The following MAN1C1 variants were observed in gnomAD, a reference collection of about 807,000 sequenced individuals.
MAN1C1 encodes the protein mannosyl-oligosaccharide 1,2-alpha-mannosidase IC.
MAN1C1 carries 49 observed loss-of-function variants against 71.5 expected under a neutral mutation model. The ratio of observed to expected loss-of-function variants is 0.69; its 90% CI spans 0.54 to 0.87. The LOEUF (loss-of-function observed/expected upper bound fraction) is 0.87. MAN1C1 is among the 40% of genes least tolerant of loss of function. MAN1C1 has a pLI of 0.00. For missense variants in MAN1C1, 743 were observed against 835.0 expected (o/e 0.89, Z 1.36); for synonymous variants, 352 against 343.7 (o/e 1.02, Z -0.27).
At chr1:25,666,299 C>T (rs1055275058) in intron 1 of MAN1C1, among the ~76,000 whole-genome samples, 13 of 152,148 alleles carry the variant, frequency 8.5e-5, no homozygotes, top group Non-Finnish European at 1.9e-4. Flanking sequence ...CGTTTTCATC[C>T]CCAACCCCAT....
At chr1:25,699,379 C>G (rs1011489526) in intron 2 of MAN1C1, among the ~76,000 whole-genome samples, 3 of 151,694 alleles carry the variant, frequency 2.0e-5, no homozygotes, top group African/African-American at 7.3e-5. Flanking sequence ...TGGGCAAAGT[C>G]CTAGATGGGA....
Position 25,622,854 on chromosome 1 carries a change from T to C in MAN1C1, c.540+4517T>C, listed in dbSNP as rs78776906. Among the ~76,000 whole-genome samples the C allele has an allele frequency of 1.1e-3, 172 of 152,328 alleles. 3 individuals carry two copies. In the Middle Eastern group the frequency reaches 0.02, roughly 18 times the overall value. ...CATTAACGGGCTGGTTCGTTAGTCA[T>C]GTGTGATTTTTTTCTGTTTTCTCTG... On this transcript the variant is annotated intron_variant, in intron 1 of 11. Coordinates refer to ENST00000374332, the MANE Select transcript of MAN1C1 (RefSeq NM_020379.4).
intron 1 of MAN1C1, among the ~76,000 whole-genome samples, chr1:25,632,916 G>T (rs2045405219): frequency 7.2e-6 from 1 of 138,926 alleles, no homozygotes. Flanking sequence ...TCACCAGTCT[G>T]GAGTGCAGTG....
At chr1:25,742,444 C>A (rs1431146147) in intron 2 of MAN1C1, among the ~76,000 whole-genome samples, 4 of 152,144 alleles carry the variant, frequency 2.6e-5, no homozygotes, top group Non-Finnish European at 5.9e-5. Context: ...TAAGTTGGGC[C>A]AAGGGTTTTT....
chr1:25,776,524 GCC>G lies in MAN1C1; in HGVS notation c.1258-1580_1258-1579del, dbSNP rs2047621387. 6.6e-6 allele frequency among the ~76,000 whole-genome samples: 1 copy of G among 151,246 alleles called. No individual in the cohort carries two copies. The highest frequency in any genetic ancestry group is 2.4e-5 in the African/African-American group (1 of 41,406). On this transcript the variant is annotated intron_variant, in intron 8 of 11. Coordinates refer to ENST00000374332, the MANE Select transcript of MAN1C1 (RefSeq NM_020379.4). The surrounding 1 kb of genome is among the most constrained non-coding windows in gnomAD (Gnocchi z 4.3). ...GCCAAGATCATGCCACTGCACTTCA[GCC>G]TGGGTGACAGAGTAAGACTGTGTCT...
chr1:25,643,589 A>ATTATTATTAT (rs2045568841), intron 1 of MAN1C1, among the ~76,000 whole-genome samples: 1 of 129,142 alleles, frequency 7.7e-6, no homozygotes, highest in African/African-American at 3.3e-5. Context: ...ATATATATTT[A>ATTATTATTAT]TTATTATTAT....
intron 1 of MAN1C1, among the ~76,000 whole-genome samples, chr1:25,663,396 T>G (rs910423427): frequency 6.6e-6 from 1 of 152,028 alleles, no homozygotes; most frequent in African/African-American, 2.4e-5. Context: ...GTACTGAACC[T>G]TATATATACT....
chr1:25,714,330 A>G (rs1326093183), intron 2 of MAN1C1, among the ~76,000 whole-genome samples: 5 of 152,226 alleles, frequency 3.3e-5, no homozygotes, highest in Non-Finnish European at 5.9e-5. Context: ...AAAAATAAAA[A>G]AGAATATATT....
chr1:25,748,064 T>C, intron 3 of MAN1C1, among the ~76,000 whole-genome samples: 1 of 151,710 alleles, frequency 6.6e-6, no homozygotes. Context: ...AAGGAAGGAG[T>C]GTCCCCATAG....
rs1353404464 is a variant in MAN1C1, at chr1:25,711,898, A to T, written c.637+25362A>T. On this transcript the variant is annotated intron_variant, in intron 2 of 11. Transcript: ENST00000374332. This position sits in a 1 kb window ranked among gnomAD's most constrained non-coding sequence, Gnocchi z 4.3. ...TTAAAAATTTGGTCTTTAAGAAGAG[A>T]TGTGTAAACAGCTTTCAGGAATGTT... Among the ~76,000 whole-genome samples, 2 of 152,070 alleles carry T rather than the reference A, an allele frequency of 1.3e-5. No individual in the cohort carries two copies. Among genetic ancestry groups the T allele is most frequent in the African/African-American group, 4.8e-5 (2 of 41,402 alleles).
At chr1:25,719,154 C>T (rs904205295) in intron 2 of MAN1C1, among the ~76,000 whole-genome samples, 4 of 149,506 alleles carry the variant, frequency 2.7e-5, no homozygotes, top group African/African-American at 9.7e-5. Context: ...CTGTCTGCAA[C>T]CTCCACCTCC....
chr1:25,702,106 A>C (rs1490680464), intron 2 of MAN1C1, among the ~76,000 whole-genome samples: 1 of 152,196 alleles, frequency 6.6e-6, no homozygotes, highest in African/African-American at 2.4e-5. Flanking sequence ...AGTTAGTTAC[A>C]TCCCCCAAAC....
chr1:25,643,245 A>ATTT lies in MAN1C1; in HGVS notation c.540+24908_540+24909insTTT, dbSNP rs1557745475. On this transcript the variant is annotated intron_variant, in intron 1 of 11. Transcript: ENST00000374332. ...CTACCTCCCTTTTAATTAATTAATT[A>ATTT]ATTAATTAATTTATTTACTTACCTT... Among the ~76,000 whole-genome samples the ATTT allele has an allele frequency of 2.2e-3, 262 of 121,108 alleles. 4 individuals are homozygous for ATTT. The highest frequency in any genetic ancestry group is 0.01 in the African/African-American group (247 of 24,124). 79.5% of individuals were successfully genotyped at this position (121,108 alleles called of 152,430 possible). A position where few individuals can be genotyped will look rare whatever the true frequency, so the allele number is the denominator to read the frequency against.
In MAN1C1 at chr1:25,769,877, G is replaced by T. The variant is rs2047523682; in HGVS notation, c.1142-1780G>T. On this transcript the variant is annotated intron_variant, in intron 7 of 11. Coordinates refer to ENST00000374332, the MANE Select transcript of MAN1C1 (RefSeq NM_020379.4). This position sits in a 1 kb window ranked among gnomAD's most constrained non-coding sequence, Gnocchi z 4.8. ...GCTGCCGCCGAGGGCTTCAGATGGT[G>T]CCTGGCCTTGTTTCACTTAATCCCC... Among the ~76,000 whole-genome samples, 1 of 152,214 alleles carries T rather than the reference G, an allele frequency of 6.6e-6. No individual in the cohort carries two copies. The highest frequency in any genetic ancestry group is 1.5e-5 in the Non-Finnish European group (1 of 68,032).
chr1:25,767,076 C>T (rs1235120448), intron 7 of MAN1C1, among the ~76,000 whole-genome samples: 4 of 151,870 alleles, frequency 2.6e-5, no homozygotes, highest in African/African-American at 9.7e-5. Flanking sequence ...TGAGCTAATG[C>T]AGAACAATGT....
At chr1:25,745,343 T>G (rs2047114069) in intron 2 of MAN1C1, among the ~76,000 whole-genome samples, 1 of 152,132 alleles carries the variant, frequency 6.6e-6, no homozygotes, top group African/African-American at 2.4e-5. Flanking sequence ...TCCTTTTTTT[T>G]TTTTAATGGA....
intron 2 of MAN1C1, among the ~76,000 whole-genome samples, chr1:25,706,331 T>C (rs1385179237): frequency 1.9e-4 from 29 of 152,192 alleles, no homozygotes; most frequent in Non-Finnish European, 1.5e-5. Flanking sequence ...CAGATGTGCA[T>C]CTAGCACCCC....
intron 1 of MAN1C1, among the ~76,000 whole-genome samples, chr1:25,666,523 A>G (rs1368132311): frequency 6.6e-6 from 1 of 152,220 alleles, no homozygotes; most frequent in African/African-American, 2.4e-5. Flanking sequence ...AGACAAAAAG[A>G]GCAGCTTCTC....
chr1:25,647,804 T>G (rs2045636654), intron 1 of MAN1C1, among the ~76,000 whole-genome samples: 4 of 152,020 alleles, frequency 2.6e-5, no homozygotes, highest in African/African-American at 9.7e-5. Context: ...TGGAATGGGA[T>G]ATGTGTGAGT....
Sources: allele counts gnomAD v4.1 joint callset (sites outside exome capture counted in the v4.1 genomes callset), GRCh38; gene constraint gnomAD v4.1.1; non-coding constraint Gnocchi (gnomAD v3.1); transcripts MANE v1.5; gene names NCBI Gene and HGNC (gene_info 2026-07-23, HGNC 2026-07-21).